Variants in ARID2 observed in about 807,000 individuals in gnomAD.
ARID2 encodes the protein AT-rich interactive domain-containing protein 2.
In ARID2, 32 loss-of-function variants were observed where a neutral mutation model predicts 184.6. The observed-to-expected ratio is 0.17, with a 90% confidence interval of 0.13 to 0.23. ARID2 has a LOEUF of 0.23. ARID2 is among the 10% of genes least tolerant of loss of function. The pLI is 1.00. For missense variants in ARID2, 1,696 were observed against 2,197.6 expected (o/e 0.77, Z 4.56); for synonymous variants, 836 against 772.6 (o/e 1.08, Z -1.36).
intron 3 of ARID2, among the ~76,000 whole-genome samples, chr12:45,805,241 C>A (rs1323189697): frequency 6.6e-6 from 1 of 151,558 alleles, no homozygotes; most frequent in Non-Finnish European, 1.5e-5. Flanking sequence ...AAGTAATGAT[C>A]CTGACTTTAA....
Position 45,886,144 on chromosome 12 carries a change from C to T in ARID2, c.4923-5636C>T, listed in dbSNP as rs189712294. ...AAGCAAGTTAGTTACTTCCTAGATA[C>T]AGTGGGATAGAGGCATTGAGTATAT... On this transcript the variant is annotated intron_variant, in intron 16 of 20. Transcript: ENST00000334344. Among the ~76,000 whole-genome samples, 108 of 152,218 alleles carry T rather than the reference C, an allele frequency of 7.1e-4. No individual in the cohort carries two copies. In the Middle Eastern group the frequency reaches 0.017, roughly 24 times the overall value.
At chr12:45,731,790 T>G (rs1260728013) in intron 3 of ARID2, among the ~76,000 whole-genome samples, 2 of 152,064 alleles carry the variant, frequency 1.3e-5, no homozygotes, top group Non-Finnish European at 2.9e-5. Context: ...GGTTTTTCAG[T>G]AGAATATTCC....
chr12:45,833,334 T>C (rs1175061751), intron 6 of ARID2, among the ~76,000 whole-genome samples: 2 of 152,196 alleles, frequency 1.3e-5, no homozygotes, highest in South Asian at 2.1e-4. Flanking sequence ...TATTTGATTG[T>C]CCTATATTAT....
rs1012191799 is a variant in ARID2 at position 45,906,812 on chromosome 12, G to A, written c.*1734G>A. 6 of 231,920 alleles carry A rather than the reference G, an allele frequency of 2.6e-5. No homozygotes were observed. Among genetic ancestry groups the A allele is most frequent in the African/African-American group, 1.3e-4 (6 of 45,260 alleles). 14.4% of individuals were successfully genotyped at this position (231,920 alleles called of 1,614,324 possible). A position where few individuals can be genotyped will look rare whatever the true frequency, so the allele number is the denominator to read the frequency against. Reference sequence around the variant, plus strand: ...GATTGATGCAGTTAAAGCTCAATATGCCTTTTTTTACTGGATACTGTACAT... The same window carrying A: ...GATTGATGCAGTTAAAGCTCAATATACCTTTTTTTACTGGATACTGTACAT... On this transcript the variant is annotated 3_prime_UTR_variant, in exon 21 of 21. Coordinates refer to ENST00000334344, the MANE Select transcript of ARID2 (RefSeq NM_152641.4).
intron 6 of ARID2, among the ~76,000 whole-genome samples, chr12:45,831,628 T>C (rs527611617): frequency 2.6e-5 from 4 of 152,328 alleles, no homozygotes; most frequent in African/African-American, 9.6e-5. Flanking sequence ...TGTCCAGCTA[T>C]ATTTTTGTAC....
At chr12:45,904,813 C>A (rs1250899519) in intron 20 of ARID2, 121 bp from the exon 21 acceptor site, 3 of 861,692 alleles carry the variant, frequency 3.5e-6, no homozygotes, top group Non-Finnish European at 5.0e-6. Flanking sequence ...ACTATATTAA[C>A]ATTTACGGGG....
intron 3 of ARID2, among the ~76,000 whole-genome samples, chr12:45,792,804 A>G (rs867860269): frequency 6.6e-6 from 1 of 152,128 alleles, no homozygotes. Flanking sequence ...TTTATCTTTA[A>G]TAGAGGTTTT....
intron 20 of ARID2, among the ~76,000 whole-genome samples, chr12:45,895,227 T>C (rs1355118255): frequency 6.6e-6 from 1 of 152,244 alleles, no homozygotes. Context: ...GCTTGAACAC[T>C]TAGCACAGTG....
chr12:45,742,377 G>A (rs1941277788), intron 3 of ARID2, among the ~76,000 whole-genome samples: 1 of 152,186 alleles, frequency 6.6e-6, no homozygotes, highest in African/African-American at 2.4e-5. Context: ...GCTTAGAGCA[G>A]CGGGCTATGC....
intron 6 of ARID2, among the ~76,000 whole-genome samples, chr12:45,831,580 A>C (rs369705054): frequency 1.3e-5 from 2 of 152,038 alleles, no homozygotes; most frequent in South Asian, 4.1e-4. Context: ...TATTGTAGTC[A>C]CTCTGTTTTG....
intron 16 of ARID2, among the ~76,000 whole-genome samples, chr12:45,883,212 T>A (rs79902131): frequency 0.051 from 7,809 of 152,162 alleles, 304 homozygotes; most frequent in Admixed American, 0.079. Flanking sequence ...ATAAATAATT[T>A]TTTTAACTAG....
At chr12:45,853,519 C>T (rs1346556575) in intron 15 of ARID2, among the ~76,000 whole-genome samples, 1 of 152,108 alleles carries the variant, frequency 6.6e-6, no homozygotes, top group East Asian at 1.9e-4. Flanking sequence ...CCTAAGATTC[C>T]ATCTCTGCAT....
chr12:45,730,847 T>A (rs1219020496), intron 2 of ARID2, among the ~76,000 whole-genome samples: 2 of 127,406 alleles, frequency 1.6e-5, no homozygotes, highest in South Asian at 3.0e-4. Context: ...GACGTCGCTG[T>A]CCGGAACTGT....
chr12:45,795,783 T>G (rs1217640013), intron 3 of ARID2, among the ~76,000 whole-genome samples: 1 of 152,064 alleles, frequency 6.6e-6, no homozygotes. Flanking sequence ...TTCTCTTCTT[T>G]ATTTTCTTTT....
intron 3 of ARID2, among the ~76,000 whole-genome samples, chr12:45,803,463 A>G (rs1331267874): frequency 2.6e-5 from 4 of 152,212 alleles, no homozygotes; most frequent in Non-Finnish European, 2.9e-5. Context: ...CTTGCTTGAA[A>G]TAATATTTCA....
At chr12:45,865,865 C>T (rs770276795) in intron 16 of ARID2, among the ~76,000 whole-genome samples, 5 of 152,128 alleles carry the variant, frequency 3.3e-5, no homozygotes, top group Admixed American at 6.5e-5. Flanking sequence ...CTAGTTTCAT[C>T]AGATGCTACT....
chr12:45,764,116 T>C (rs1305329090), intron 3 of ARID2, among the ~76,000 whole-genome samples: 1 of 152,186 alleles, frequency 6.6e-6, no homozygotes, highest in Non-Finnish European at 1.5e-5. Context: ...TGGACGTAAC[T>C]ACTTTTTCAT....
chr12:45,800,543 T>C (rs1942477996), intron 3 of ARID2, among the ~76,000 whole-genome samples: 1 of 152,188 alleles, frequency 6.6e-6, no homozygotes, highest in Non-Finnish European at 1.5e-5. Flanking sequence ...TTTGTTTATA[T>C]TTCTTAGTTT....
In ARID2 at chr12:45,865,910, T is replaced by C. The variant is rs570524653; in HGVS notation, c.4922+4961T>C. The stretch of plus-strand genomic sequence containing the variant: ...TAACAAAAGTGATTCCACAATATTT[T>C]CATAATTGTTTTTCTTATTTTAAAA... On this transcript the variant is annotated intron_variant, in intron 16 of 20. Coordinates refer to ENST00000334344, the MANE Select transcript of ARID2 (RefSeq NM_152641.4). 9.2e-5 allele frequency among the ~76,000 whole-genome samples: 14 copies of C among 152,274 alleles called. No homozygotes were observed. In the East Asian group the frequency reaches 2.7e-3, roughly 29 times the overall value.
Sources: allele counts gnomAD v4.1 joint callset (sites outside exome capture counted in the v4.1 genomes callset), GRCh38; gene constraint gnomAD v4.1.1; transcripts MANE v1.5; gene names NCBI Gene and HGNC (gene_info 2026-07-23, HGNC 2026-07-21).